The following ANKRD11 variants were observed in gnomAD, a reference collection of about 807,000 sequenced individuals.
ANKRD11 encodes ankyrin repeat domain 11.
A neutral mutation model predicts 195.7 loss-of-function variants in ANKRD11; 17 were observed. The ratio of observed to expected loss-of-function variants is 0.09; its 90% CI spans 0.06 to 0.13. The LOEUF is 0.13. Among genes scored for constraint, ANKRD11 ranks in the 10% least tolerant of loss-of-function variants. The pLI, the probability that ANKRD11 is intolerant of heterozygous loss-of-function variation, is 1.00. For missense variants in ANKRD11, 3,735 were observed against 3,566.1 expected (o/e 1.05, Z -1.21); for synonymous variants, 1,953 against 1,528.1 (o/e 1.28, Z -6.49).
chr16:89,372,126 C>T (rs1049076641), intron 2 of ANKRD11, among the ~76,000 whole-genome samples: 9 of 152,334 alleles, frequency 5.9e-5, no homozygotes, highest in Non-Finnish European at 1.2e-4. Context: ...CATGCACACA[C>T]GGGCAACTTT....
chr16:89,413,187 G>A (rs575358160), intron 2 of ANKRD11, among the ~76,000 whole-genome samples: 1 of 152,310 alleles, frequency 6.6e-6, no homozygotes, highest in South Asian at 2.1e-4. Flanking sequence ...CCTAGCCACA[G>A]ATAATTCCTC....
chr16:89,487,943 G>A (rs2057675735), intron 1 of ANKRD11, among the ~76,000 whole-genome samples: 1 of 110,624 alleles, frequency 9.0e-6, no homozygotes, highest in Admixed American at 9.1e-5. Flanking sequence ...CAGCCCATCT[G>A]GGAGGGTGTG....
At chr16:89,388,972 A>G (rs2041053282) in intron 2 of ANKRD11, among the ~76,000 whole-genome samples, 1 of 152,268 alleles carries the variant, frequency 6.6e-6, no homozygotes, top group Non-Finnish European at 1.5e-5. Context: ...ACAATTATCC[A>G]GCACATAATG....
intron 2 of ANKRD11, chr16:89,324,265 A>G (rs2037553908): frequency 8.1e-7 from 1 of 1,237,726 alleles, no homozygotes. Context: ...GCTGTGGAAC[A>G]TACAGGAGCC....
intron 7 of ANKRD11, chr16:89,286,839 C>T (rs553894478): frequency 2.3e-6 from 3 of 1,287,300 alleles, no homozygotes; most frequent in African/African-American, 3.0e-5. Context: ...CAGCAATGCA[C>T]TGAACTCAAG....
chr16:89,477,350 G>T (rs371598789), intron 1 of ANKRD11, among the ~76,000 whole-genome samples: 39 of 151,626 alleles, frequency 2.6e-4, no homozygotes, highest in African/African-American at 9.4e-4. Flanking sequence ...GGGCCACCAC[G>T]CGTAATTTCT....
intron 2 of ANKRD11, among the ~76,000 whole-genome samples, chr16:89,390,012 G>A (rs1392268819): frequency 2.4e-5 from 2 of 84,698 alleles, no homozygotes; most frequent in African/African-American, 1.2e-4. Flanking sequence ...AGATCACTGG[G>A]GCGAACACCG....
intron 2 of ANKRD11, among the ~76,000 whole-genome samples, chr16:89,416,376 T>C (rs1324723209): frequency 1.3e-5 from 2 of 152,078 alleles, no homozygotes; most frequent in Non-Finnish European, 2.9e-5. Context: ...CTTGGCTCAC[T>C]GAAACCTCCG....
At position 89,291,316 on chromosome 16, in the gene ANKRD11, G is replaced by T; in HGVS notation, c.227-133C>A. 2 of 1,168,162 alleles carry T rather than the reference G, an allele frequency of 1.7e-6. No homozygotes were observed. Among genetic ancestry groups the T allele is most frequent in the Non-Finnish European group, 2.5e-6 (2 of 814,364 alleles). 72.4% of individuals were successfully genotyped at this position (1,168,162 alleles called of 1,614,324 possible). ...TGACAGAGCAGAAAGGAAGGTCTGT[G>T]TATGGGGAAAGCACAGCGGTGCTGG... On this transcript the variant is annotated intron_variant, in intron 4 of 12. Transcript: ENST00000301030. This position sits in a 1 kb window ranked among gnomAD's most constrained non-coding sequence, Gnocchi z 5.3.
chr16:89,290,150 G>A (rs2034930224), intron 6 of ANKRD11, among the ~76,000 whole-genome samples: 2 of 152,222 alleles, frequency 1.3e-5, no homozygotes, highest in Non-Finnish European at 2.9e-5. Flanking sequence ...TGAACACCCC[G>A]AGCCCTGCAG....
intron 1 of ANKRD11, among the ~76,000 whole-genome samples, chr16:89,467,926 G>A (rs1342341313): frequency 2.0e-5 from 3 of 151,676 alleles, no homozygotes; most frequent in East Asian, 1.9e-4. Flanking sequence ...TCAGCCTCCC[G>A]AGTAGCTGGG....
chr16:89,470,113 A>C (rs9930381), intron 1 of ANKRD11, among the ~76,000 whole-genome samples: 1 of 151,582 alleles, frequency 6.6e-6, no homozygotes, highest in Non-Finnish European at 1.5e-5. Flanking sequence ...TCACCGTGTT[A>C]GCCAGGATGG....
rs758005924 is a variant in ANKRD11, at chr16:89,280,170, G to A, written c.6372C>T (p.Phe2124=). 8.7e-6 allele frequency: 14 copies of A among 1,609,384 alleles called. No homozygotes were observed. Among genetic ancestry groups the A allele is most frequent in the Admixed American group, 8.4e-5 (5 of 59,752 alleles). ...QVEPVPWADA[F]AGPEDDLDLG... is the part of the protein sequence containing the mutation. ...GGTCCAGGTCGTCCTCGGGGCCGGC[G>A]AAGGCGTCCGCCCAGGGCACCGGCT... The change falls in exon 9 of 13, where the codon TTC becomes TTT. Residue 2124 remains phenylalanine, a synonymous_variant. Transcript: ENST00000301030.
chr16:89,319,334 C>A (rs1484253345), intron 2 of ANKRD11, among the ~76,000 whole-genome samples: 1 of 152,230 alleles, frequency 6.6e-6, no homozygotes, highest in African/African-American at 2.4e-5. Flanking sequence ...AGGCACCTTC[C>A]CCAATGGACC....
intron 1 of ANKRD11, among the ~76,000 whole-genome samples, chr16:89,479,942 C>CAAA (rs1184052902): frequency 1.4e-5 from 1 of 73,316 alleles, no homozygotes. Context: ...GACTCCATCT[C>CAAA]AAAAAAAAAA....
chr16:89,471,811 TATG>T (rs1235595064), intron 1 of ANKRD11, among the ~76,000 whole-genome samples: 5 of 135,154 alleles, frequency 3.7e-5, no homozygotes, highest in African/African-American at 1.5e-4. Context: ...AAAAAAAAGA[TATG>T]ATTTCATTTA....
intron 2 of ANKRD11, among the ~76,000 whole-genome samples, chr16:89,415,850 A>AG (rs928499930): frequency 1.4e-5 from 2 of 147,384 alleles, no homozygotes; most frequent in African/African-American, 5.0e-5. Flanking sequence ...AAAAAAAAAA[A>AG]CAATGGAGAA....
chr16:89,284,073 A>C lies in ANKRD11; in HGVS notation c.2469T>G (p.Phe823Leu). Residue 823 changes from phenylalanine to leucine, a missense_variant, in exon 9 of 13, where the codon TTT (phenylalanine) becomes TTG (leucine). Phe to Leu is a conservative substitution (Grantham distance 22). Coordinates refer to ENST00000301030, the MANE Select transcript of ANKRD11 (RefSeq NM_013275.6). ...TAAATTTGGTGTCTTCATTCTCCAG[A>C]AACTGATTTTTGTTACAATATTCGT... Reference protein sequence around the residue: ...AFDEYCNKNQFLENEDTKFSL... With the variant: ...AFDEYCNKNQLLENEDTKFSL... 1 of 1,614,132 alleles carries C rather than the reference A, an allele frequency of 6.2e-7. No individual in the cohort carries two copies. Among genetic ancestry groups the C allele is most frequent in the Non-Finnish European group, 8.5e-7 (1 of 1,180,014 alleles).
In ANKRD11 at chr16:89,290,819, G is replaced by A; in HGVS notation, c.407C>T (p.Thr136Ile). 2 of 1,613,754 alleles carry A rather than the reference G, an allele frequency of 1.2e-6. No individual in the cohort carries two copies. Among genetic ancestry groups the A allele is most frequent in the Non-Finnish European group, 8.5e-7 (1 of 1,180,002 alleles). ...TGTAGACTGGGAGGGGTGCTTTGGT[G>A]TTGTGTCCACTGCAGGCCAAGGAGG... ...EESANSPVDTTPKHPSQSTVC... is the reference protein window; with the variant it reads ...EESANSPVDTIPKHPSQSTVC... Residue 136 changes from threonine to isoleucine, a missense_variant, in exon 6 of 13, where the codon ACA becomes ATA. Physicochemically the swap from Thr to Ile is moderately conservative, Grantham distance 89. Transcript: ENST00000301030.
Sources: allele counts gnomAD v4.1 joint callset (sites outside exome capture counted in the v4.1 genomes callset), GRCh38; gene constraint gnomAD v4.1.1; non-coding constraint Gnocchi (gnomAD v3.1); transcripts MANE v1.5; gene names NCBI Gene and HGNC (gene_info 2026-07-23, HGNC 2026-07-21).